The following MZT1 variants were observed in gnomAD, a reference collection of about 807,000 sequenced individuals.
MZT1 encodes mitotic spindle organizing protein 1.
Under a neutral mutation model 8.5 loss-of-function variants are expected in MZT1, and 8 were observed. The observed-to-expected ratio is 0.94, with a 90% CI of 0.55 to 1.70. The LOEUF (loss-of-function observed/expected upper bound fraction) is 1.70, where lower values mean the gene tolerates loss of function less well. Among genes scored for constraint, MZT1 ranks in the 40% most tolerant of loss-of-function variants. The pLI, the probability that MZT1 is intolerant of heterozygous loss-of-function variation, is 0.00. For synonymous variants in MZT1, 38 were observed against 42.0 expected (o/e 0.90, Z 0.37); for missense variants, 93 against 108.6 (o/e 0.86, Z 0.64).
At chr13:72,725,794 T>C (rs2032645282) in intron 1 of MZT1, among the ~76,000 whole-genome samples, 1 of 152,060 alleles carries the variant, frequency 6.6e-6, no homozygotes, top group South Asian at 2.1e-4. Flanking sequence ...GCCATATACA[T>C]AAGGAACCTA....
At chr13:72,725,359 G>C (rs923646918) in intron 1 of MZT1, among the ~76,000 whole-genome samples, 7 of 152,150 alleles carry the variant, frequency 4.6e-5, no homozygotes, top group African/African-American at 1.7e-4. Flanking sequence ...GTTCTTTTCA[G>C]AGTGAGGTGC....
intron 1 of MZT1, among the ~76,000 whole-genome samples, chr13:72,721,046 T>C (rs2032588876): frequency 6.6e-6 from 1 of 152,200 alleles, no homozygotes; most frequent in Non-Finnish European, 1.5e-5. Flanking sequence ...GGGTGTTCGT[T>C]ACAATTGACT....
chr13:72,713,121 T>C (rs2032503968), intron 2 of MZT1, among the ~76,000 whole-genome samples: 1 of 152,198 alleles, frequency 6.6e-6, no homozygotes, highest in Admixed American at 6.5e-5. Flanking sequence ...ACTTAGTAGT[T>C]AAGTAAACAA....
intron 2 of MZT1, among the ~76,000 whole-genome samples, chr13:72,715,497 G>C (rs549427795): frequency 1.3e-5 from 2 of 152,250 alleles, no homozygotes; most frequent in East Asian, 3.9e-4. Context: ...ATGAGATCTG[G>C]GAAGGGCCAG....
At position 72,724,752 on chromosome 13, in the gene MZT1, A is replaced by ATATGTGTG. The variant is rs1180726488; in HGVS notation, c.79+2771_79+2772insCACACATA. 5.9e-3 allele frequency among the ~76,000 whole-genome samples: 337 copies of ATATGTGTG among 56,846 alleles called. 49 individuals are homozygous for ATATGTGTG. Among genetic ancestry groups the ATATGTGTG allele is most frequent in the Middle Eastern group, 0.018 (1 of 56 alleles). 37.3% of individuals were successfully genotyped at this position (56,846 alleles called of 152,430 possible). On this transcript the variant is annotated intron_variant, in intron 1 of 2. Transcript: ENST00000377818. ...TATATATATATATACACATATATAT[A>ATATGTGTG]TGTAAAGTGGTGCTACAGGCCGGGC...
chr13:72,726,762 A>AC (rs2032666590), intron 1 of MZT1, among the ~76,000 whole-genome samples: 1 of 150,706 alleles, frequency 6.6e-6, no homozygotes, highest in South Asian at 2.1e-4. Flanking sequence ...AAAAAAAAAA[A>AC]CTAAACAGGC....
intron 2 of MZT1, 117 bp downstream of exon 2, chr13:72,718,835 T>C (rs983307248): frequency 2.1e-6 from 2 of 945,872 alleles, no homozygotes; most frequent in African/African-American, 1.7e-5. Context: ...GGTCTTCTAG[T>C]GGTGTTGCAT....
rs201343746 is a variant in MZT1 at position 72,719,031 on chromosome 13, C to T, written c.146G>A (p.Arg49Gln). ...LDMETLSICV[R>Q]LCEQGINPEA... is the part of the protein sequence containing the mutation. Reference sequence around the variant, plus strand: ...TGGGTTAATTCCTTGTTCACAAAGCCGTACACAAATAGACAGAGTTTCCAT... The same window carrying T: ...TGGGTTAATTCCTTGTTCACAAAGCTGTACACAAATAGACAGAGTTTCCAT... The change falls in exon 2 of 3, where the codon CGG (arginine) becomes CAG (glutamine). Residue 49 changes from arginine (R) to glutamine (Q), a missense_variant. Arg to Gln is a conservative substitution (Grantham distance 43, BLOSUM62 1). Transcript: ENST00000377818. 30 of 1,592,894 alleles carry T rather than the reference C, an allele frequency of 1.9e-5. No individual in the cohort carries two copies. The highest frequency in any genetic ancestry group is 1.7e-4 in the Middle Eastern group (1 of 6,020).
chr13:72,714,318 A>G (rs2032514612), intron 2 of MZT1, among the ~76,000 whole-genome samples: 1 of 152,278 alleles, frequency 6.6e-6, no homozygotes, highest in African/African-American at 2.4e-5. Context: ...ATGCATGAGC[A>G]AAGAAATAAC....
intron 1 of MZT1, among the ~76,000 whole-genome samples, chr13:72,721,036 G>C (rs1363541753): frequency 6.6e-6 from 1 of 152,136 alleles, no homozygotes; most frequent in Non-Finnish European, 1.5e-5. Context: ...GTGATCGGGG[G>C]GGTGTTCGTT....
chr13:72,711,795 C>T (rs1372808483), intron 2 of MZT1, among the ~76,000 whole-genome samples: 3 of 151,952 alleles, frequency 2.0e-5, no homozygotes, highest in Non-Finnish European at 4.4e-5. Flanking sequence ...AAAGGGTGGT[C>T]AAGGAAAGGC....
At chr13:72,711,764 C>T (rs1424631988) in intron 2 of MZT1, among the ~76,000 whole-genome samples, 1 of 150,924 alleles carries the variant, frequency 6.6e-6, no homozygotes, top group Non-Finnish European at 1.5e-5. Flanking sequence ...GGAGAAGAAC[C>T]TTATGCTTGT....
intron 1 of MZT1, among the ~76,000 whole-genome samples, chr13:72,719,331 A>G (rs1018192551): frequency 6.6e-6 from 1 of 152,176 alleles, no homozygotes; most frequent in Non-Finnish European, 1.5e-5. Flanking sequence ...ATCTTGCTAT[A>G]TATTCTAGCA....
intron 1 of MZT1, among the ~76,000 whole-genome samples, chr13:72,725,661 T>C (rs535048065): frequency 1.2e-3 from 188 of 152,244 alleles, no homozygotes; most frequent in African/African-American, 4.3e-3. Context: ...AATCTTCATT[T>C]CACACCAAGT....
rs762065159 is a variant in MZT1 at position 72,724,855 on chromosome 13, CA to C, written c.79+2668del. 7.5e-5 allele frequency among the ~76,000 whole-genome samples: 11 copies of C among 146,682 alleles called. No homozygotes were observed. The East Asian group carries it at 2.0e-3, about 27-fold the overall frequency. On this transcript the variant is annotated intron_variant, in intron 1 of 2. Coordinates refer to ENST00000377818, the MANE Select transcript of MZT1 (RefSeq NM_001071775.3). Reference sequence around the variant, plus strand: ...TCACCTGAGGTCAGGAGTTCCAGACCAGACTGGCCAACATGGTGAAACCCTG... The same window carrying C: ...TCACCTGAGGTCAGGAGTTCCAGACCGACTGGCCAACATGGTGAAACCCTG...
At chr13:72,721,113 T>C (rs1303510085) in intron 1 of MZT1, among the ~76,000 whole-genome samples, 1 of 152,200 alleles carries the variant, frequency 6.6e-6, no homozygotes, top group Non-Finnish European at 1.5e-5. Flanking sequence ...TAATCTTTGA[T>C]TGGATGCCAT....
At chr13:72,719,822 G>C (rs2032575860) in intron 1 of MZT1, among the ~76,000 whole-genome samples, 1 of 152,166 alleles carries the variant, frequency 6.6e-6, no homozygotes, top group African/African-American at 2.4e-5. Flanking sequence ...TTTAACATGA[G>C]AAGCACAAAC....
chr13:72,727,428 C>G (rs1269079971), intron 1 of MZT1, 96 bp downstream of exon 1: 2 of 1,245,140 alleles, frequency 1.6e-6, no homozygotes, highest in South Asian at 1.2e-5. Context: ...GTTTGGGGCA[C>G]TAAGGGGACC....
intron 2 of MZT1, among the ~76,000 whole-genome samples, chr13:72,713,695 G>A (rs1490829970): frequency 6.6e-6 from 1 of 152,094 alleles, no homozygotes; most frequent in Non-Finnish European, 1.5e-5. Flanking sequence ...CAAATACAGA[G>A]GACTGACTGT....
Sources: gnomAD v4.1 joint callset for allele counts (sites outside exome capture counted in the v4.1 genomes callset) on GRCh38, gnomAD v4.1.1 for gene constraint, MANE v1.5 for transcripts, NCBI Gene and HGNC (gene_info 2026-07-23, HGNC 2026-07-21) for gene names.